Variants in IL1RAPL2 observed in about 807,000 individuals in gnomAD.
IL1RAPL2 encodes the protein X-linked interleukin-1 receptor accessory protein-like 2.
In IL1RAPL2, 3 loss-of-function variants were observed where a neutral mutation model predicts 44.1. The ratio of observed to expected loss-of-function variants is 0.07; its 90% CI spans 0.03 to 0.18. The LOEUF is 0.18. Ranked by LOEUF, IL1RAPL2 falls within the 10% of genes least tolerant of loss-of-function variation. The pLI, the probability that IL1RAPL2 is intolerant of heterozygous loss-of-function variation, is 1.00. For missense variants in IL1RAPL2, 391 were observed against 496.4 expected (o/e 0.79, Z 2.02); for synonymous variants, 181 against 178.8 (o/e 1.01, Z -0.10).
intron 1 of IL1RAPL2, among the ~76,000 whole-genome samples, chrX:104,615,619 G>A (rs962276295): frequency 1.8e-5 from 2 of 111,480 alleles, no homozygotes; most frequent in Non-Finnish European, 3.8e-5. Flanking sequence ...TCTTTATCCA[G>A]TCTATCATTG....
At chrX:105,095,831 A>C (rs2032598016) in intron 2 of IL1RAPL2, among the ~76,000 whole-genome samples, 1 of 112,084 alleles carries the variant, frequency 8.9e-6, no homozygotes, top group Admixed American at 9.5e-5. Flanking sequence ...ACCAAAGAAA[A>C]ATACATAAAT....
chrX:105,148,697 A>T (rs1025487155), intron 2 of IL1RAPL2, among the ~76,000 whole-genome samples: 2 of 111,859 alleles, frequency 1.8e-5, no homozygotes, highest in East Asian at 5.6e-4. Flanking sequence ...CAAGAAAATT[A>T]TCATAGGTCT....
intron 2 of IL1RAPL2, among the ~76,000 whole-genome samples, chrX:105,174,526 A>G (rs187118603): frequency 8.9e-6 from 1 of 111,821 alleles, no homozygotes; most frequent in Non-Finnish European, 1.9e-5. Context: ...TCATCCACTT[A>G]CTGAGTACAA....
At position 105,074,135 on chromosome X, in the gene IL1RAPL2, GT is replaced by G. The variant is rs1200305189; in HGVS notation, c.83-121339del. The stretch of plus-strand genomic sequence containing the variant: ...CTTGCCCATGCCTATGTCCTGAATG[GT>G]ATTGCCCAGGTTTTCTTCTAGGGTT... On this transcript the variant is annotated intron_variant, in intron 2 of 10. Coordinates refer to ENST00000372582, the MANE Select transcript of IL1RAPL2 (RefSeq NM_017416.2). 4.5e-5 allele frequency among the ~76,000 whole-genome samples: 5 copies of G among 111,252 alleles called. No individual in the cohort carries two copies. In the Admixed American group the frequency reaches 4.8e-4, roughly 11 times the overall value.
chrX:104,711,162 A>G lies in IL1RAPL2; in HGVS notation c.82+52167A>G, dbSNP rs1931449704. On this transcript the variant is annotated intron_variant, in intron 2 of 10. Transcript: ENST00000372582. ...TGCCTACAATATTCAGTACAGTAAC[A>G]TGCTGTATACATGTGTAGCCTAGGA... is the stretch of plus-strand genomic sequence containing the variant. Among the ~76,000 whole-genome samples, 6 of 111,629 alleles carry G rather than the reference A, an allele frequency of 5.4e-5. No homozygotes were observed. In the South Asian group the frequency reaches 2.2e-3, roughly 41 times the overall value.
At chrX:105,432,231 C>T (rs2035853655) in intron 5 of IL1RAPL2, among the ~76,000 whole-genome samples, 1 of 100,619 alleles carries the variant, frequency 9.9e-6, no homozygotes, top group African/African-American at 3.6e-5. Flanking sequence ...TTCAGCCACT[C>T]TCTTTGGAAT....
intron 1 of IL1RAPL2, among the ~76,000 whole-genome samples, chrX:104,612,753 T>C (rs757760090): frequency 1.1e-4 from 12 of 111,774 alleles, no homozygotes; most frequent in Middle Eastern, 4.6e-3. Flanking sequence ...ATTGAATCTG[T>C]AGATTGCTTT....
chrX:104,728,191 C>A (rs1931835104), intron 2 of IL1RAPL2, among the ~76,000 whole-genome samples: 1 of 111,719 alleles, frequency 9.0e-6, no homozygotes, highest in Non-Finnish European at 1.9e-5. Flanking sequence ...AACTTCTGTA[C>A]TGAATATCAT....
intron 3 of IL1RAPL2, among the ~76,000 whole-genome samples, chrX:105,223,135 G>A (rs2033982578): frequency 9.5e-6 from 1 of 105,416 alleles, no homozygotes; most frequent in Non-Finnish European, 1.9e-5. Flanking sequence ...GGGCAACAGA[G>A]TGAGATTCAG....
chrX:105,738,778 G>A (rs192459551), intron 7 of IL1RAPL2, among the ~76,000 whole-genome samples: 11 of 110,709 alleles, frequency 9.9e-5, no homozygotes, highest in Middle Eastern at 4.6e-3. Flanking sequence ...AATAACCCAA[G>A]CAATTCAGCC....
At chrX:105,421,834 G>C (rs1415738922) in intron 5 of IL1RAPL2, among the ~76,000 whole-genome samples, 1 of 111,990 alleles carries the variant, frequency 8.9e-6, no homozygotes, top group African/African-American at 3.2e-5. Flanking sequence ...TTAGTTTTCA[G>C]TGACTCCAAG....
chrX:104,614,101 G>A (rs917616394), intron 1 of IL1RAPL2, among the ~76,000 whole-genome samples: 1 of 110,844 alleles, frequency 9.0e-6, no homozygotes, highest in Non-Finnish European at 1.9e-5. Context: ...TGCTAATCTA[G>A]CTAGCAGGCT....
intron 2 of IL1RAPL2, among the ~76,000 whole-genome samples, chrX:104,902,904 G>A (rs1398217806): frequency 9.0e-6 from 1 of 111,636 alleles, no homozygotes; most frequent in Admixed American, 9.6e-5. Context: ...GGGGAGATAA[G>A]CTGATGATAA....
intron 2 of IL1RAPL2, among the ~76,000 whole-genome samples, chrX:104,841,020 C>G (rs1921888563): frequency 9.0e-6 from 1 of 110,962 alleles, no homozygotes; most frequent in Non-Finnish European, 1.9e-5. Flanking sequence ...GTGTGAGAGT[C>G]TAAGTCTCTT....
intron 6 of IL1RAPL2, among the ~76,000 whole-genome samples, chrX:105,685,750 T>A (rs2037966383): frequency 2.7e-5 from 3 of 110,968 alleles, no homozygotes; most frequent in African/African-American, 9.8e-5. Context: ...CACATAATTG[T>A]CAGATTAACC....
At chrX:105,078,727 C>A (rs897542347) in intron 2 of IL1RAPL2, among the ~76,000 whole-genome samples, 1 of 97 alleles carries the variant, frequency 0.01, no homozygotes, top group Non-Finnish European at 0.029. Flanking sequence ...CAAGCCTGAG[C>A]AATGCGGTCG....
chrX:105,411,606 C>T (rs1321205968), intron 5 of IL1RAPL2, among the ~76,000 whole-genome samples: 1 of 111,373 alleles, frequency 9.0e-6, no homozygotes, highest in Non-Finnish European at 1.9e-5. Flanking sequence ...ATCAATTCAA[C>T]AAGATGATAT....
At chrX:104,985,885 G>A (rs990601679) in intron 2 of IL1RAPL2, among the ~76,000 whole-genome samples, 6 of 111,793 alleles carry the variant, frequency 5.4e-5, no homozygotes, top group Non-Finnish European at 7.5e-5. Flanking sequence ...TTCATTGTTG[G>A]CATTTTTTGA....
At chrX:105,440,239 G>T (rs1228955753) in intron 5 of IL1RAPL2, among the ~76,000 whole-genome samples, 1 of 112,001 alleles carries the variant, frequency 8.9e-6, no homozygotes, top group African/African-American at 3.2e-5. Flanking sequence ...TTCTATTGCT[G>T]CTTCAATTGT....
Sources: allele counts gnomAD v4.1 joint callset (sites outside exome capture counted in the v4.1 genomes callset), GRCh38; gene constraint gnomAD v4.1.1; transcripts MANE v1.5; gene names NCBI Gene and HGNC (gene_info 2026-07-23, HGNC 2026-07-21).